The following STRN variants were observed in gnomAD, a reference collection of about 807,000 sequenced individuals.
STRN encodes the protein protein phosphatase 2 regulatory subunit B'''alpha.
Under a neutral mutation model 96.3 loss-of-function variants are expected in STRN, and 53 were observed. The observed-to-expected ratio is 0.55, with a 90% CI of 0.44 to 0.69. The LOEUF is 0.69. STRN is among the 30% of genes least tolerant of loss of function. The pLI, the probability that STRN is intolerant of heterozygous loss-of-function variation, is 0.00. For synonymous variants in STRN, 428 were observed against 355.9 expected (o/e 1.20, Z -2.28); for missense variants, 987 against 963.9 (o/e 1.02, Z -0.32).
intron 1 of STRN, among the ~76,000 whole-genome samples, chr2:36,937,780 G>A (rs1419570565): frequency 2.0e-5 from 3 of 151,950 alleles, no homozygotes; most frequent in Middle Eastern, 3.2e-3. Flanking sequence ...TAATAAATAT[G>A]TATCTTGAAA....
intron 7 of STRN, among the ~76,000 whole-genome samples, chr2:36,890,448 A>G (rs915889095): frequency 1.5e-5 from 2 of 132,676 alleles, no homozygotes; most frequent in Non-Finnish European, 3.3e-5. Context: ...TAAAGTTACT[A>G]TTGTCAATAT....
At chr2:36,930,431 C>CAA (rs1255302084) in intron 1 of STRN, among the ~76,000 whole-genome samples, 6 of 108,676 alleles carry the variant, frequency 5.5e-5, no homozygotes, top group African/African-American at 6.9e-5. Context: ...GACTCCATCT[C>CAA]AAAAAAAAAA....
chr2:36,950,221 T>TG (rs894076718), intron 1 of STRN, among the ~76,000 whole-genome samples: 17 of 146,152 alleles, frequency 1.2e-4, no homozygotes, highest in South Asian at 2.2e-4. Context: ...TTGTTTTTTT[T>TG]TTTTTTTTTT....
At chr2:36,927,822 C>A (rs1231264389) in intron 1 of STRN, among the ~76,000 whole-genome samples, 1 of 152,140 alleles carries the variant, frequency 6.6e-6, no homozygotes, top group African/African-American at 2.4e-5. Context: ...CTGGTAATAT[C>A]TGTCAAGTTT....
At chr2:36,925,951 G>A (rs970237783) in intron 1 of STRN, among the ~76,000 whole-genome samples, 122 of 152,190 alleles carry the variant, frequency 8.0e-4, no homozygotes, top group African/African-American at 2.8e-3. Context: ...TAAATTTTAT[G>A]ACAGATTCCT....
chr2:36,883,826 A>G (rs1378695992), intron 9 of STRN, 106 bp downstream of exon 9: 5 of 1,091,924 alleles, frequency 4.6e-6, no homozygotes, highest in Non-Finnish European at 6.0e-6. Context: ...CAGATCAAAC[A>G]TCTGCAGAAT....
chr2:36,847,701 C>T lies in STRN; in HGVS notation c.*1755G>A, dbSNP rs1365910811. 1 of 151,994 alleles carries T rather than the reference C, an allele frequency of 6.6e-6. No individual in the cohort carries two copies. Among genetic ancestry groups the T allele is most frequent in the Non-Finnish European group, 1.5e-5 (1 of 67,986 alleles). The allele number at this position is 151,994 out of a possible 1,614,324, so 9.4% of individuals were successfully genotyped here. A position where few individuals can be genotyped will look rare whatever the true frequency, so the allele number is the denominator to read the frequency against. On this transcript the variant is annotated 3_prime_UTR_variant, in exon 18 of 18. Transcript: ENST00000263918. ...GTCTCTAGCTTTAAAGAAAATTTGC[C>T]TGTATAATGCAGAATTCTAGAGGCA...
chr2:36,919,103 T>G (rs950647453), intron 2 of STRN, among the ~76,000 whole-genome samples: 2 of 152,194 alleles, frequency 1.3e-5, no homozygotes, highest in African/African-American at 4.8e-5. Flanking sequence ...ATCTTAAATG[T>G]GGATGCTAAA....
At chr2:36,917,576 A>G (rs1267767476) in intron 2 of STRN, among the ~76,000 whole-genome samples, 2 of 151,680 alleles carry the variant, frequency 1.3e-5, no homozygotes, top group Non-Finnish European at 2.9e-5. Flanking sequence ...AGTAGAAAGG[A>G]AATGAAAAAT....
intron 10 of STRN, among the ~76,000 whole-genome samples, chr2:36,877,603 T>C (rs889120881): frequency 6.6e-6 from 1 of 152,226 alleles, no homozygotes. Flanking sequence ...TGGTGCGATG[T>C]TGGCTCACTG....
intron 12 of STRN, among the ~76,000 whole-genome samples, chr2:36,861,937 T>C (rs547683100): frequency 6.6e-6 from 1 of 152,246 alleles, no homozygotes; most frequent in Non-Finnish European, 1.5e-5. Context: ...CCCTTCACAG[T>C]CAAGTTGGCC....
chr2:36,952,123 A>G (rs1021742384), intron 1 of STRN, among the ~76,000 whole-genome samples: 1 of 152,254 alleles, frequency 6.6e-6, no homozygotes, highest in Non-Finnish European at 1.5e-5. Context: ...ATTCTAAGAA[A>G]CAAAAATGTG....
chr2:36,915,667 T>C (rs906490146), intron 3 of STRN, among the ~76,000 whole-genome samples: 4 of 152,216 alleles, frequency 2.6e-5, no homozygotes, highest in African/African-American at 9.6e-5. Flanking sequence ...GGATGAGGAA[T>C]TCCTCCATGC....
intron 1 of STRN, among the ~76,000 whole-genome samples, chr2:36,961,282 A>C (rs190567312): frequency 8.6e-4 from 128 of 149,450 alleles, no homozygotes; most frequent in African/African-American, 3.1e-3. Context: ...GCTAATTAAA[A>C]AAATTTTTTT....
intron 6 of STRN, among the ~76,000 whole-genome samples, chr2:36,895,992 C>T (rs576419428): frequency 2.2e-3 from 335 of 152,178 alleles, no homozygotes; most frequent in Non-Finnish European, 3.7e-3. Context: ...TCTCAGAGTT[C>T]CACATATAAA....
At chr2:36,903,303 GTA>G (rs1272637318) in intron 4 of STRN, among the ~76,000 whole-genome samples, 2 of 152,180 alleles carry the variant, frequency 1.3e-5, no homozygotes, top group African/African-American at 4.8e-5. Context: ...ACATGTGTGT[GTA>G]TGTTACTGAA....
chr2:36,856,765 T>TA (rs1379661850), intron 14 of STRN, among the ~76,000 whole-genome samples: 6 of 152,218 alleles, frequency 3.9e-5, no homozygotes, highest in Admixed American at 6.5e-5. Context: ...ATATTGGAGA[T>TA]ACGGCCTGGC....
At chr2:36,868,364 T>G (rs1668680886) in intron 11 of STRN, among the ~76,000 whole-genome samples, 1 of 152,186 alleles carries the variant, frequency 6.6e-6, no homozygotes, top group African/African-American at 2.4e-5. Context: ...AATGGTACTT[T>G]TATTTCCTTG....
chr2:36,876,667 AT>A (rs1321251805), intron 10 of STRN, among the ~76,000 whole-genome samples: 5 of 152,224 alleles, frequency 3.3e-5, no homozygotes, highest in Non-Finnish European at 5.9e-5. Flanking sequence ...ATTTAATGAA[AT>A]AAGGCAGGTT....
Sources: gnomAD v4.1 joint callset for allele counts (sites outside exome capture counted in the v4.1 genomes callset) on GRCh38, gnomAD v4.1.1 for gene constraint, MANE v1.5 for transcripts, NCBI Gene and HGNC (gene_info 2026-07-23, HGNC 2026-07-21) for gene names.